The following SPAG17 variants were observed in gnomAD, a reference collection of about 807,000 sequenced individuals.
The protein encoded by SPAG17 is sperm-associated antigen 17.
SPAG17 carries 169 observed loss-of-function variants against 273.6 expected under a neutral mutation model. The ratio of observed to expected loss-of-function variants is 0.62; its 90% CI spans 0.55 to 0.70. The LOEUF (loss-of-function observed/expected upper bound fraction) is 0.70. Among genes scored for constraint, SPAG17 ranks in the 30% least tolerant of loss-of-function variants. SPAG17 has a pLI of 0.00. For missense variants in SPAG17, 2,557 were observed against 2,627.8 expected, an observed-to-expected ratio of 0.97 and a Z score of 0.59; for synonymous variants, 825 against 873.2, an observed-to-expected ratio of 0.94 and a Z score of 0.97.
In SPAG17 at chr1:117,958,869, G is replaced by A. The variant is rs767844712; in HGVS notation, c.*1-4820C>T. Reference sequence around the variant, plus strand: ...TTTCTAGAAGGGTTAAGTAGGGCTAGAACCTCTCTGCAACATGGCTGTGTT... The same window carrying A: ...TTTCTAGAAGGGTTAAGTAGGGCTAAAACCTCTCTGCAACATGGCTGTGTT... On this transcript the variant is annotated intron_variant, in intron 48 of 48. Coordinates refer to ENST00000336338, the MANE Select transcript of SPAG17 (RefSeq NM_206996.4). The A allele has an allele frequency of 7.1e-6, 11 of 1,559,138 alleles. No individual in the cohort carries two copies. The African/African-American group carries it at 1.4e-4, about 19-fold the overall frequency.
intron 47 of SPAG17, 136 bp downstream of exon 47, chr1:117,966,473 C>G: frequency 1.1e-6 from 1 of 900,734 alleles, no homozygotes; most frequent in South Asian, 2.6e-5. Flanking sequence ...TGAAGATGCT[C>G]TTTGTCTTAA....
At chr1:118,059,324 T>C (rs1652026920) in intron 18 of SPAG17, among the ~76,000 whole-genome samples, 1 of 152,154 alleles carries the variant, frequency 6.6e-6, no homozygotes, top group African/African-American at 2.4e-5. Context: ...GAGTTGATTT[T>C]TGTGTATACT....
intron 1 of SPAG17, among the ~76,000 whole-genome samples, chr1:118,168,701 G>A (rs1356387118): frequency 6.6e-6 from 1 of 152,122 alleles, no homozygotes; most frequent in Non-Finnish European, 1.5e-5. Flanking sequence ...TAAATTCTTG[G>A]GCAACAACTA....
At chr1:118,041,506 C>T (rs1649747152) in intron 21 of SPAG17, among the ~76,000 whole-genome samples, 1 of 151,980 alleles carries the variant, frequency 6.6e-6, no homozygotes, top group Non-Finnish European at 1.5e-5. Flanking sequence ...TTTGTGTTCA[C>T]TTATTTACAT....
In SPAG17 at chr1:118,120,825, G is replaced by A. The variant is rs529260718; in HGVS notation, c.316-5384C>T. Among the ~76,000 whole-genome samples, 11 of 152,300 alleles carry A rather than the reference G, an allele frequency of 7.2e-5. No homozygotes were observed. In the East Asian group the frequency reaches 2.1e-3, roughly 29 times the overall value. On this transcript the variant is annotated intron_variant, in intron 3 of 48. Transcript: ENST00000336338. ...TTGCTTACTAAATCCTTCCTGCCAT[G>A]AAAATAGAAAATATTTAACTTGGTA...
chr1:118,037,088 G>C (rs1649172153), intron 23 of SPAG17, among the ~76,000 whole-genome samples: 1 of 152,056 alleles, frequency 6.6e-6, no homozygotes, highest in African/African-American at 2.4e-5. Flanking sequence ...CTTGTTTTAG[G>C]GACCTTAGGT....
intron 6 of SPAG17, among the ~76,000 whole-genome samples, chr1:118,098,480 T>C (rs1463756605): frequency 6.6e-6 from 1 of 151,834 alleles, no homozygotes; most frequent in Non-Finnish European, 1.5e-5. Context: ...CATTATTCTA[T>C]TATAAAGTCT....
In SPAG17 at chr1:118,055,801, T is replaced by G. The variant is rs754667894; in HGVS notation, c.2654A>C (p.Glu885Ala). Residue 885 changes from glutamate to alanine, a missense_variant, in exon 19 of 49, where the codon GAA (glutamate) becomes GCA (alanine). By Grantham distance (107) the Glu-to-Ala change is moderately radical (BLOSUM62 -1). Transcript: ENST00000336338. ...TTTGGCATTAGCAGAAGATTTCAAT[T>G]CCAGCTCAGCTCTGGTCCTGATGAT... ...EKIIRTRAEL[E>A]LKSSANAKLT... 1 of 1,613,228 alleles carries G rather than the reference T, an allele frequency of 6.2e-7. No individual in the cohort carries two copies. The highest frequency in any genetic ancestry group is 1.1e-5 in the South Asian group (1 of 90,862).
chr1:118,151,241 G>A lies in SPAG17; in HGVS notation c.216C>T (p.Asp72=). 1 of 1,584,688 alleles carries A rather than the reference G, an allele frequency of 6.3e-7. No individual in the cohort carries two copies. The highest frequency in any genetic ancestry group is 2.3e-5 in the East Asian group (1 of 44,230). The part of the protein sequence containing the change: ...RKLFSMVSWQ[D]ILQQINEINT... ...AAGGGACAGGTACCTGCTGGAGAATGTCTTGCCACGACACCATACTGAAGA... is the reference window on the plus strand; with the variant it reads ...AAGGGACAGGTACCTGCTGGAGAATATCTTGCCACGACACCATACTGAAGA... Residue 72 remains aspartate (D), a synonymous_variant, in exon 2 of 49, where the codon GAC becomes GAT. Coordinates refer to ENST00000336338, the MANE Select transcript of SPAG17 (RefSeq NM_206996.4).
rs529810209 is a variant in SPAG17 at position 118,039,411 on chromosome 1, T to C, written c.3200A>G (p.Asp1067Gly). 8 of 1,613,544 alleles carry C rather than the reference T, an allele frequency of 5.0e-6. No individual in the cohort carries two copies. The highest frequency in any genetic ancestry group is 1.3e-5 in the African/African-American group (1 of 75,002). ...PTFIKVRVVK[D>G]NHNFMIHLND... ...TAAATGAATCATAAAATTGTGGTTG[T>C]CCTTTACCACTCTCACTTTGATAAA... The change falls in exon 23 of 49, where the codon GAC becomes GGC. Residue 1067 changes from aspartate (D) to glycine (G), a missense_variant. By Grantham distance (94) the Asp-to-Gly change is moderately conservative (BLOSUM62 -1). Coordinates refer to ENST00000336338, the MANE Select transcript of SPAG17 (RefSeq NM_206996.4).
chr1:118,006,035 C>T, intron 31 of SPAG17, among the ~76,000 whole-genome samples: 1 of 152,188 alleles, frequency 6.6e-6, no homozygotes, highest in East Asian at 1.9e-4. Context: ...TCTCTCCTCT[C>T]TCTGGTGGCT....
At chr1:118,043,334 G>A (rs1465825773) in intron 20 of SPAG17, among the ~76,000 whole-genome samples, 4 of 152,116 alleles carry the variant, frequency 2.6e-5, no homozygotes, top group Admixed American at 1.3e-4. Flanking sequence ...TTGGTGTATC[G>A]GACCTAGCTC....
chr1:118,167,624 A>T (rs531910952), intron 1 of SPAG17, among the ~76,000 whole-genome samples: 1 of 152,334 alleles, frequency 6.6e-6, no homozygotes, highest in East Asian at 1.9e-4. Flanking sequence ...AAAACTAAAC[A>T]TCAGAAGTAA....
chr1:118,155,282 G>A (rs1570794899), intron 1 of SPAG17, among the ~76,000 whole-genome samples: 1 of 152,200 alleles, frequency 6.6e-6, no homozygotes, highest in African/African-American at 2.4e-5. Context: ...GAAACTGGCT[G>A]TCTCATATAA....
intron 48 of SPAG17, chr1:117,959,290 A>T: frequency 6.2e-7 from 1 of 1,610,652 alleles, no homozygotes; most frequent in Non-Finnish European, 8.5e-7. Flanking sequence ...ATTGCACTCC[A>T]GGATGTTATC....
chr1:118,121,867 A>G (rs1657440088), intron 3 of SPAG17, among the ~76,000 whole-genome samples: 1 of 152,216 alleles, frequency 6.6e-6, no homozygotes, highest in Admixed American at 6.5e-5. Context: ...AGAGAAAAAC[A>G]TTATGAATAT....
At chr1:118,146,524 G>A (rs1015046654) in intron 3 of SPAG17, among the ~76,000 whole-genome samples, 12 of 152,214 alleles carry the variant, frequency 7.9e-5, no homozygotes, top group African/African-American at 2.6e-4. Flanking sequence ...AAATATGTAC[G>A]GAATTCATCT....
intron 17 of SPAG17, 50 bp downstream of exon 17, chr1:118,073,804 C>T: frequency 7.9e-7 from 1 of 1,258,944 alleles, no homozygotes; most frequent in South Asian, 1.4e-5. Flanking sequence ...TCACAGCAGA[C>T]TCTCCAGACC....
intron 3 of SPAG17, among the ~76,000 whole-genome samples, chr1:118,118,690 A>G (rs1657242779): frequency 1.3e-5 from 2 of 152,158 alleles, no homozygotes; most frequent in Non-Finnish European, 2.9e-5. Context: ...TGAAAGACCA[A>G]AGGTCACTCA....
Sources: allele counts gnomAD v4.1 joint callset (sites outside exome capture counted in the v4.1 genomes callset), GRCh38; gene constraint gnomAD v4.1.1; transcripts MANE v1.5; gene names NCBI Gene and HGNC (gene_info 2026-07-23, HGNC 2026-07-21).